Variants in LRRC72 observed in about 807,000 individuals in gnomAD.
LRRC72 encodes the protein leucine rich repeat containing 72.
A neutral mutation model predicts 35.8 loss-of-function variants in LRRC72; 41 were observed. The ratio of observed to expected loss-of-function variants is 1.15; its 90% CI spans 0.89 to 1.49. LRRC72 has a LOEUF of 1.49. Among genes scored for constraint, LRRC72 ranks in the 40% most tolerant of loss-of-function variants. The pLI is 0.00. For missense variants in LRRC72, 389 were observed against 330.7 expected (o/e 1.18, Z -1.37); for synonymous variants, 118 against 119.2 (o/e 0.99, Z 0.07).
chr7:16,527,608 G>A (rs1782093396), intron 1 of LRRC72, among the ~76,000 whole-genome samples: 1 of 151,994 alleles, frequency 6.6e-6, no homozygotes, highest in Non-Finnish European at 1.5e-5. Flanking sequence ...AAGAATATTT[G>A]GATATTTGGG....
intron 3 of LRRC72, among the ~76,000 whole-genome samples, chr7:16,545,624 A>G (rs1426004921): frequency 6.6e-6 from 1 of 152,190 alleles, no homozygotes; most frequent in Non-Finnish European, 1.5e-5. Flanking sequence ...GAATTAGCAT[A>G]CATTCCATAT....
chr7:16,528,491 C>T (rs974322115), intron 1 of LRRC72, among the ~76,000 whole-genome samples: 10 of 152,122 alleles, frequency 6.6e-5, no homozygotes, highest in Admixed American at 5.9e-4. Context: ...ATCATCATCA[C>T]CTGTGACTTC....
chr7:16,537,428 C>G, intron 2 of LRRC72, among the ~76,000 whole-genome samples, 199 bp from the exon 3 acceptor site: 1 of 152,150 alleles, frequency 6.6e-6, no homozygotes, highest in Non-Finnish European at 1.5e-5. Flanking sequence ...TCAGCTTCAA[C>G]TAGCTGACAA....
At chr7:16,530,386 C>A (rs1358544839) in intron 1 of LRRC72, 3 of 152,162 alleles carry the variant, frequency 2.0e-5, no homozygotes, top group African/African-American at 7.2e-5. Flanking sequence ...TTGGGGCCCT[C>A]AGTGGATTGG....
chr7:16,533,846 C>A (rs553867520), intron 2 of LRRC72, among the ~76,000 whole-genome samples: 7 of 151,964 alleles, frequency 4.6e-5, no homozygotes, highest in Non-Finnish European at 8.8e-5. Context: ...TTGAGCCTCT[C>A]GATATAGGTC....
At chr7:16,558,448 A>G (rs1415227702) in intron 4 of LRRC72, among the ~76,000 whole-genome samples, 3 of 152,108 alleles carry the variant, frequency 2.0e-5, no homozygotes, top group Admixed American at 2.0e-4. Context: ...CGTCTCTACT[A>G]AAAATACAAA....
At chr7:16,565,883 A>G (rs1406050986) in intron 5 of LRRC72, among the ~76,000 whole-genome samples, 1 of 152,252 alleles carries the variant, frequency 6.6e-6, no homozygotes, top group Non-Finnish European at 1.5e-5. Flanking sequence ...GTCTCTGCCT[A>G]TCTTCACACA....
Position 16,532,495 on chromosome 7 carries a change from G to A in LRRC72, c.91G>A (p.Ala31Thr), listed in dbSNP as rs959797850. The A allele has an allele frequency of 6.5e-7, 1 of 1,547,924 alleles. No homozygotes were observed. Among genetic ancestry groups the A allele is most frequent in the African/African-American group, 1.4e-5 (1 of 72,978 alleles). ...SETALQSSRR[A>T]VEDQLKICGH... ...TGACAGATTAATTATATGTTATCAG[G>A]CAGTTGAAGATCAGCTAAAGATATG... Residue 31 changes from alanine to threonine, a missense_variant and splice_region_variant, in exon 2 of 9, where the codon GCA becomes ACA. Coordinates refer to ENST00000401542, the MANE Select transcript of LRRC72 (RefSeq NM_001195280.2).
At chr7:16,576,794 T>C (rs531173213) in intron 7 of LRRC72, among the ~76,000 whole-genome samples, 1 of 152,322 alleles carries the variant, frequency 6.6e-6, no homozygotes, top group South Asian at 2.1e-4. Flanking sequence ...CCATGTTTGC[T>C]CAAGACAGAG....
Position 16,526,877 on chromosome 7 carries a change from A to G in LRRC72, c.-76A>G, listed in dbSNP as rs1782075799. ...TAACAGAACAACGAGCTGTGCACCA[A>G]GCCAAGTCTCTCTTCGGTGCCACCG... On this transcript the variant is annotated 5_prime_UTR_variant, in exon 1 of 9. Transcript: ENST00000401542. 8.3e-7 allele frequency: 1 copy of G among 1,200,304 alleles called. No individual in the cohort carries two copies. Among genetic ancestry groups the G allele is most frequent in the Non-Finnish European group, 1.2e-6 (1 of 840,858 alleles). 74.4% of individuals were successfully genotyped at this position (1,200,304 alleles called of 1,614,324 possible).
At chr7:16,533,187 A>G (rs1258607092) in intron 2 of LRRC72, among the ~76,000 whole-genome samples, 1 of 152,086 alleles carries the variant, frequency 6.6e-6, no homozygotes, top group Non-Finnish European at 1.5e-5. Context: ...TACTATGATA[A>G]TGAACTCCAT....
rs555581075 is a variant in LRRC72 at position 16,539,183 on chromosome 7, A to G, written c.234+1487A>G. Among the ~76,000 whole-genome samples the G allele has an allele frequency of 1.1e-4, 17 of 152,300 alleles. No homozygotes were observed. In the South Asian group the frequency reaches 3.3e-3, roughly 30 times the overall value. On this transcript the variant is annotated intron_variant, in intron 3 of 8. Transcript: ENST00000401542. The stretch of plus-strand genomic sequence containing the variant: ...CCACAATACTGATAGTGATATGGAC[A>G]ATGAGGTCCAGGCTGAGGTGATCTC...
chr7:16,544,417 G>A lies in LRRC72; in HGVS notation c.234+6721G>A, dbSNP rs182687774. Among the ~76,000 whole-genome samples the A allele has an allele frequency of 3.1e-4, 47 of 152,262 alleles. 1 individual carries two copies. The East Asian group carries it at 6.0e-3, about 19-fold the overall frequency. On this transcript the variant is annotated intron_variant, in intron 3 of 8. Transcript: ENST00000401542. ...TATTGCATAGATATTCATTAGTGCT[G>A]CATCTCCTCCTTTTTGAGATCATGT... is the stretch of plus-strand genomic sequence containing the variant.
chr7:16,581,382 A>G lies in LRRC72; in HGVS notation c.757A>G (p.Met253Val), dbSNP rs748954972. 1.9e-5 allele frequency: 30 copies of G among 1,549,640 alleles called. No individual in the cohort carries two copies. The highest frequency in any genetic ancestry group is 2.6e-5 in the Non-Finnish European group (30 of 1,146,438). ...VFVRSMKRSVMTLTSMNWDTV... is the reference protein window; with the variant it reads ...VFVRSMKRSVVTLTSMNWDTV... ...TGTGAGGTCCATGAAGAGATCAGTG[A>G]TGACTTTGACCTCTATGAACTGGGA... The change falls in exon 9 of 9, where the codon ATG becomes GTG. Residue 253 changes from methionine (M) to valine (V), a missense_variant. By Grantham distance (21) the Met-to-Val change is conservative (BLOSUM62 1). Coordinates refer to ENST00000401542, the MANE Select transcript of LRRC72 (RefSeq NM_001195280.2).
Position 16,526,863 on chromosome 7 carries a change from C to A in LRRC72, c.-90C>A. The stretch of plus-strand genomic sequence containing the variant: ...GCGGTAACTGTTGGTAACAGAACAA[C>A]GAGCTGTGCACCAAGCCAAGTCTCT... On this transcript the variant is annotated 5_prime_UTR_variant, in exon 1 of 9. Coordinates refer to ENST00000401542, the MANE Select transcript of LRRC72 (RefSeq NM_001195280.2). 1.0e-6 allele frequency: 1 copy of A among 1,001,090 alleles called. No individual in the cohort carries two copies. Among genetic ancestry groups the A allele is most frequent in the Non-Finnish European group, 1.5e-6 (1 of 660,702 alleles). The allele number at this position is 1,001,090 out of a possible 1,614,324, so 62.0% of individuals were successfully genotyped here.
intron 3 of LRRC72, among the ~76,000 whole-genome samples, chr7:16,550,610 C>G (rs899073893): frequency 2.0e-5 from 3 of 152,206 alleles, no homozygotes; most frequent in Non-Finnish European, 4.4e-5. Flanking sequence ...CAACAACTTT[C>G]AATTCTTTTA....
chr7:16,549,582 C>A (rs1396367261), intron 3 of LRRC72, among the ~76,000 whole-genome samples: 2 of 152,164 alleles, frequency 1.3e-5, no homozygotes, highest in Non-Finnish European at 2.9e-5. Context: ...TTCTCTACAT[C>A]TCTACCATCA....
intron 5 of LRRC72, among the ~76,000 whole-genome samples, chr7:16,559,621 T>C (rs1452022425): frequency 2.0e-5 from 3 of 152,212 alleles, no homozygotes; most frequent in Admixed American, 2.0e-4. Context: ...TATGTAAGTG[T>C]CCAAGTAGGC....
At chr7:16,576,418 G>A (rs182855200) in intron 7 of LRRC72, among the ~76,000 whole-genome samples, 44 of 152,242 alleles carry the variant, frequency 2.9e-4, no homozygotes, top group Non-Finnish European at 6.3e-4. Context: ...CAATTGTAAA[G>A]CCACATTTTG....
Sources: allele counts gnomAD v4.1 joint callset (sites outside exome capture counted in the v4.1 genomes callset), GRCh38; gene constraint gnomAD v4.1.1; transcripts MANE v1.5; gene names NCBI Gene and HGNC (gene_info 2026-07-23, HGNC 2026-07-21).